OTUD7A: variants seen among roughly 807,000 people sequenced by gnomAD.
OTUD7A encodes OTU domain-containing protein 7A.
In OTUD7A, 12 loss-of-function variants were observed where a neutral mutation model predicts 65.7. That is an observed-to-expected ratio of 0.18 (90% CI 0.12 to 0.30). The LOEUF (loss-of-function observed/expected upper bound fraction) is 0.30. OTUD7A is among the 10% of genes least tolerant of loss of function. The pLI, the probability that OTUD7A is intolerant of heterozygous loss-of-function variation, is 1.00. For missense variants in OTUD7A, 1,148 were observed against 1,304.8 expected (o/e 0.88, Z 1.85); for synonymous variants, 641 against 586.3 (o/e 1.09, Z -1.35).
intron 1 of OTUD7A, among the ~76,000 whole-genome samples, chr15:31,687,703 C>T (rs529958230): frequency 6.6e-6 from 1 of 152,252 alleles, no homozygotes; most frequent in African/African-American, 2.4e-5. Flanking sequence ...AGTATATGCT[C>T]CCTTGTGTGA....
chr15:31,846,696 T>C (rs1897300773), intron 1 of OTUD7A, among the ~76,000 whole-genome samples: 1 of 152,102 alleles, frequency 6.6e-6, no homozygotes, highest in South Asian at 2.1e-4. Context: ...CACTGAAACC[T>C]CGGTTTAAGA....
At chr15:31,583,940 A>G (rs1595628489) in intron 3 of OTUD7A, among the ~76,000 whole-genome samples, 1 of 152,256 alleles carries the variant, frequency 6.6e-6, no homozygotes, top group African/African-American at 2.4e-5. Context: ...TGTCTCCTTA[A>G]GCAAATGTTG....
At position 31,756,943 on chromosome 15, in the gene OTUD7A, G is replaced by A. The variant is rs1894833755; in HGVS notation, c.-99-99866C>T. On this transcript the variant is annotated intron_variant, in intron 1 of 12. Coordinates refer to ENST00000307050, the MANE Select transcript of OTUD7A (RefSeq NM_001382637.1). ...GCCACCGAAGTTGCTCCATGACATA[G>A]AAATGATGGCAGGAAACCATCCTCT... Among the ~76,000 whole-genome samples the A allele has an allele frequency of 2.6e-5, 4 of 152,274 alleles. No homozygotes were observed. The South Asian group carries it at 8.3e-4, about 32-fold the overall frequency.
chr15:31,518,150 G>A (rs2041885632), intron 8 of OTUD7A, among the ~76,000 whole-genome samples: 1 of 152,240 alleles, frequency 6.6e-6, no homozygotes, highest in South Asian at 2.1e-4. Context: ...GGACATAGGT[G>A]TTGGTTTTTG....
chr15:31,506,052 T>C (rs941325247), intron 8 of OTUD7A, among the ~76,000 whole-genome samples: 11 of 152,126 alleles, frequency 7.2e-5, no homozygotes, highest in Non-Finnish European at 1.0e-4. Context: ...TTTTTTTTTT[T>C]ACTTATCGAA....
intron 1 of OTUD7A, among the ~76,000 whole-genome samples, chr15:31,743,441 A>G (rs1188653434): frequency 1.3e-5 from 2 of 152,210 alleles, no homozygotes; most frequent in African/African-American, 4.8e-5. Flanking sequence ...TTGGTAATGC[A>G]GCTAAACTGT....
intron 1 of OTUD7A, among the ~76,000 whole-genome samples, chr15:31,673,387 T>C (rs1336581648): frequency 1.3e-5 from 2 of 152,224 alleles, no homozygotes; most frequent in Non-Finnish European, 2.9e-5. Flanking sequence ...TTCTGACTTG[T>C]AGAAAACTAC....
intron 1 of OTUD7A, among the ~76,000 whole-genome samples, chr15:31,717,525 A>G (rs1893623467): frequency 6.6e-6 from 1 of 152,160 alleles, no homozygotes; most frequent in Non-Finnish European, 1.5e-5. Context: ...TTTGCTGAAA[A>G]TGATGGTTTC....
intron 1 of OTUD7A, among the ~76,000 whole-genome samples, chr15:31,756,270 C>T (rs1894808848): frequency 6.6e-6 from 1 of 152,224 alleles, no homozygotes; most frequent in Non-Finnish European, 1.5e-5. Flanking sequence ...TACATTATTA[C>T]CATTCATCAT....
chr15:31,769,973 A>G (rs11071318), intron 1 of OTUD7A, among the ~76,000 whole-genome samples: 136,499 of 152,220 alleles, frequency 0.9, 62,524 homozygotes, highest in East Asian at 1. Flanking sequence ...AATTCAAAAA[A>G]TAAAATTAAA....
intron 1 of OTUD7A, among the ~76,000 whole-genome samples, chr15:31,825,956 T>G (rs1413416276): frequency 6.6e-6 from 1 of 152,228 alleles, no homozygotes; most frequent in Non-Finnish European, 1.5e-5. Flanking sequence ...GGGGTTCCCA[T>G]GGTCTTGGGC....
chr15:31,824,116 C>A (rs1169778329), intron 1 of OTUD7A, among the ~76,000 whole-genome samples: 1 of 152,188 alleles, frequency 6.6e-6, no homozygotes, highest in Non-Finnish European at 1.5e-5. Context: ...CCTGTTAGAG[C>A]ACCAGCAAAG....
intron 3 of OTUD7A, among the ~76,000 whole-genome samples, chr15:31,597,092 T>G: frequency 7.8e-6 from 1 of 128,664 alleles, no homozygotes; most frequent in East Asian, 2.1e-4. Flanking sequence ...ACCTGGCTAG[T>G]TTTTTTTCTT....
At chr15:31,641,928 G>C (rs180903550) in intron 3 of OTUD7A, among the ~76,000 whole-genome samples, 2 of 152,248 alleles carry the variant, frequency 1.3e-5, no homozygotes, top group Admixed American at 6.5e-5. Context: ...TGACTGCACT[G>C]GCCAGAATGT....
intron 10 of OTUD7A, among the ~76,000 whole-genome samples, chr15:31,489,304 A>AAAT (rs902840332): frequency 3.3e-5 from 5 of 152,244 alleles, no homozygotes; most frequent in Non-Finnish European, 5.9e-5. Flanking sequence ...GCAACATTTT[A>AAAT]AATAAGCATC....
In OTUD7A at chr15:31,620,817, T is replaced by C. The variant is rs570873829; in HGVS notation, c.151+34279A>G. Among the ~76,000 whole-genome samples, 2 of 106,462 alleles carry C rather than the reference T, an allele frequency of 1.9e-5. 1 individual carries two copies. Among genetic ancestry groups the C allele is most frequent in the African/African-American group, 1.2e-4 (2 of 16,382 alleles). 69.8% of individuals were successfully genotyped at this position (106,462 alleles called of 152,430 possible). ...TTCTTGCCTTCTGCTAGCTTTTGAA[T>C]GTGTTTGCTCTTGCTTTTCTAGTTC... On this transcript the variant is annotated intron_variant, in intron 3 of 12. Transcript: ENST00000307050.
chr15:31,817,279 C>CG (rs534923258), intron 1 of OTUD7A, among the ~76,000 whole-genome samples: 14 of 148,308 alleles, frequency 9.4e-5, no homozygotes, highest in Non-Finnish European at 1.8e-4. Context: ...TCATTTGCCC[C>CG]CCCCCATCAC....
chr15:31,826,628 C>G (rs1896804764), intron 1 of OTUD7A, among the ~76,000 whole-genome samples: 1 of 152,232 alleles, frequency 6.6e-6, no homozygotes, highest in Admixed American at 6.5e-5. Flanking sequence ...CTGCAGCTGG[C>G]TTGAATTTCT....
At chr15:31,503,871 G>A in intron 8 of OTUD7A, 53 bp from the exon 9 acceptor site, 1 of 1,604,746 alleles carries the variant, frequency 6.2e-7, no homozygotes, top group Non-Finnish European at 8.5e-7. Context: ...GGTGGAGGAT[G>A]GAGAAAGTGG....
Sources: gnomAD v4.1 joint callset for allele counts (sites outside exome capture counted in the v4.1 genomes callset) on GRCh38, gnomAD v4.1.1 for gene constraint, MANE v1.5 for transcripts, NCBI Gene and HGNC (gene_info 2026-07-23, HGNC 2026-07-21) for gene names.